The following ROPN1L variants were observed in gnomAD, a reference collection of about 807,000 sequenced individuals.
The protein encoded by ROPN1L is rhophilin associated tail protein 1 like, also known as ropporin-1-like protein.
Under a neutral mutation model 22.7 loss-of-function variants are expected in ROPN1L, and 23 were observed. The ratio of observed to expected loss-of-function variants is 1.01; its 90% CI spans 0.73 to 1.43. The LOEUF (loss-of-function observed/expected upper bound fraction) is 1.43, where lower values mean the gene tolerates loss of function less well. ROPN1L is among the 40% of genes most tolerant of loss of function. The pLI is 0.00. For synonymous variants in ROPN1L, 116 were observed against 117.8 expected, an observed-to-expected ratio of 0.98 and a Z score of 0.10; for missense variants, 271 against 291.5, an observed-to-expected ratio of 0.93 and a Z score of 0.51.
chr5:10,446,765 G>A (rs1279492220), intron 1 of ROPN1L, among the ~76,000 whole-genome samples: 1 of 152,046 alleles, frequency 6.6e-6, no homozygotes. Context: ...TGAGAACTCT[G>A]CCTCCAGAGG....
intron 4 of ROPN1L, 153 bp downstream of exon 4, chr5:10,461,512 G>C (rs2126465853): frequency 1.5e-6 from 1 of 686,170 alleles, no homozygotes; most frequent in Admixed American, 2.9e-5. Flanking sequence ...AATGTGTGGA[G>C]GTTTTTCCTC....
downstream of ROPN1L, among the ~76,000 whole-genome samples, chr5:10,474,538 C>T (rs1466811399): frequency 6.6e-6 from 1 of 152,244 alleles, no homozygotes; most frequent in Non-Finnish European, 1.5e-5. Flanking sequence ...CTCAGCTCTA[C>T]ACTGCCAGGA....
chr5:10,443,341 G>C (rs1438026242), intron 1 of ROPN1L, among the ~76,000 whole-genome samples: 2 of 147,668 alleles, frequency 1.4e-5, no homozygotes, highest in African/African-American at 2.4e-5. Flanking sequence ...CATACATTTG[G>C]GCCGGGCGCG....
downstream of ROPN1L, among the ~76,000 whole-genome samples, chr5:10,473,352 G>T (rs558147871): frequency 6.6e-6 from 1 of 152,258 alleles, no homozygotes; most frequent in African/African-American, 2.4e-5. Context: ...AAAGGCAGAG[G>T]GGAGTTTGAG....
intron 3 of ROPN1L, among the ~76,000 whole-genome samples, chr5:10,459,080 A>C (rs986699366): frequency 6.6e-6 from 1 of 150,902 alleles, no homozygotes; most frequent in African/African-American, 2.4e-5. Flanking sequence ...CGCCTGACAG[A>C]CATGTCAGTG....
At chr5:10,447,322 C>T (rs116614283) in intron 1 of ROPN1L, among the ~76,000 whole-genome samples, 2,898 of 152,272 alleles carry the variant, frequency 0.019, 94 homozygotes, top group African/African-American at 0.066. Flanking sequence ...TGTGGGTTCC[C>T]TCTTGACTTA....
chr5:10,451,596 A>G (rs1160124017), intron 3 of ROPN1L, among the ~76,000 whole-genome samples: 1 of 152,228 alleles, frequency 6.6e-6, no homozygotes, highest in African/African-American at 2.4e-5. Context: ...TTCCTTCGCC[A>G]TGTCACATCT....
At position 10,442,020 on chromosome 5, in the gene ROPN1L, T is replaced by A. The variant is rs893285729; in HGVS notation, c.-148T>A. 2.7e-6 allele frequency: 3 copies of A among 1,131,392 alleles called. No individual in the cohort carries two copies. In the African/African-American group the frequency reaches 4.7e-5, roughly 18 times the overall value. 70.1% of individuals were successfully genotyped at this position (1,131,392 alleles called of 1,614,324 possible). A position where few individuals can be genotyped will look rare whatever the true frequency, so the allele number is the denominator to read the frequency against. On this transcript the variant is annotated 5_prime_UTR_variant, in exon 1 of 5. Coordinates refer to ENST00000274134, the MANE Select transcript of ROPN1L (RefSeq NM_031916.5). The stretch of plus-strand genomic sequence containing the variant: ...GAGGAGCGGGTAAGAGCCCCGCGAA[T>A]CCGGCCCCAACCTCGGGAACGGGAT...
intron 4 of ROPN1L, among the ~76,000 whole-genome samples, chr5:10,463,249 C>T (rs192053091): frequency 6.6e-6 from 1 of 152,210 alleles, no homozygotes; most frequent in Non-Finnish European, 1.5e-5. Context: ...AATGAATCCT[C>T]CCTTTAAAGA....
intron 3 of ROPN1L, among the ~76,000 whole-genome samples, chr5:10,456,224 C>T (rs1811677): frequency 0.7 from 106,107 of 152,178 alleles, 40,932 homozygotes; most frequent in Non-Finnish European, 0.88. Flanking sequence ...CAGTGGCTCA[C>T]GCCTGTAATC....
intron 3 of ROPN1L, among the ~76,000 whole-genome samples, chr5:10,452,555 C>A (rs1046071364): frequency 6.6e-6 from 1 of 151,712 alleles, no homozygotes; most frequent in African/African-American, 2.4e-5. Flanking sequence ...CCTGGCTGAT[C>A]TTGTACTCCT....
the ROPN1L span, among the ~76,000 whole-genome samples, chr5:10,477,129 A>T: frequency 6.6e-6 from 1 of 152,268 alleles, no homozygotes; most frequent in Non-Finnish European, 1.5e-5. Context: ...AAGTTCATAG[A>T]ATTCCACATC....
intron 4 of ROPN1L, among the ~76,000 whole-genome samples, chr5:10,462,768 T>A (rs1047583868): frequency 9.2e-5 from 14 of 152,074 alleles, no homozygotes; most frequent in African/African-American, 2.9e-4. Context: ...GTGCCTGTAA[T>A]CCCAGCTACT....
intron 3 of ROPN1L, among the ~76,000 whole-genome samples, chr5:10,458,606 G>T (rs575562046): frequency 5.1e-4 from 18 of 35,328 alleles, no homozygotes; most frequent in African/African-American, 2.2e-3. Context: ...CATGTACACC[G>T]TCCCCACCAT....
intron 4 of ROPN1L, 106 bp downstream of exon 4, chr5:10,461,465 C>A: frequency 1.0e-6 from 1 of 963,160 alleles, no homozygotes; most frequent in Non-Finnish European, 1.6e-6. Flanking sequence ...TGCTCTCTCA[C>A]CACAACAATA....
At chr5:10,472,624 T>G (rs1459385135), downstream of ROPN1L, among the ~76,000 whole-genome samples, 1 of 152,104 alleles carries the variant, frequency 6.6e-6, no homozygotes, top group African/African-American at 2.4e-5. Context: ...CAAATTTTCA[T>G]CCCCCAAACA....
At position 10,442,284 on chromosome 5, in the gene ROPN1L, G is replaced by GCGGT. The variant is rs1415225920; in HGVS notation, c.118_121dup (p.Trp41SerfsTer59). 6.2e-7 allele frequency: 1 copy of GCGGT among 1,613,246 alleles called. No individual in the cohort carries two copies. The highest frequency in any genetic ancestry group is 1.3e-5 in the African/African-American group (1 of 74,942). ...TCCGCACCCAGCCGGCCGACGTGCT[G>GCGGT]CGGTGGTCCGCGGGGTAAGCGCCCT... On this transcript the variant is annotated frameshift_variant, in exon 1 of 5. Transcript: ENST00000274134. LOFTEE classifies it high-confidence loss of function.
intron 1 of ROPN1L, among the ~76,000 whole-genome samples, chr5:10,444,475 G>C (rs968193536): frequency 6.6e-6 from 1 of 151,830 alleles, no homozygotes; most frequent in Non-Finnish European, 1.5e-5. Context: ...ATTTTTAGTA[G>C]AGATGGGGTT....
intron 1 of ROPN1L, among the ~76,000 whole-genome samples, chr5:10,442,708 A>G (rs1396653385): frequency 6.6e-6 from 1 of 152,264 alleles, no homozygotes; most frequent in Non-Finnish European, 1.5e-5. Flanking sequence ...CCTCATCTGC[A>G]GAGAGTCCTC....
Sources: gnomAD v4.1 joint callset for allele counts (sites outside exome capture counted in the v4.1 genomes callset) on GRCh38, gnomAD v4.1.1 for gene constraint, MANE v1.5 for transcripts, NCBI Gene and HGNC (gene_info 2026-07-23, HGNC 2026-07-21) for gene names.